CCDC60: variants seen among roughly 807,000 people sequenced by gnomAD.
CCDC60 encodes the protein coiled-coil domain-containing protein 60.
In CCDC60, 54 loss-of-function variants were observed where a neutral mutation model predicts 63.5. The observed-to-expected ratio is 0.85, with a 90% CI of 0.68 to 1.07. The LOEUF is 1.07. CCDC60 is among the 50% of genes least tolerant of loss of function. The pLI is 0.00. For missense variants in CCDC60, 651 were observed against 684.3 expected (o/e 0.95, Z 0.54); for synonymous variants, 206 against 238.8 (o/e 0.86, Z 1.27).
chr12:119,478,648 C>T (rs544841327), intron 3 of CCDC60, among the ~76,000 whole-genome samples: 22 of 144,208 alleles, frequency 1.5e-4, no homozygotes, highest in Non-Finnish European at 2.3e-4. Context: ...CACTCTGTCA[C>T]CCAGGCTGGA....
At chr12:119,505,477 A>G (rs767677152) in intron 7 of CCDC60, among the ~76,000 whole-genome samples, 174 bp downstream of exon 7, 4 of 152,222 alleles carry the variant, frequency 2.6e-5, no homozygotes, top group African/African-American at 7.2e-5. Context: ...GATCAGAAAT[A>G]TACTCCATAA....
intron 7 of CCDC60, among the ~76,000 whole-genome samples, chr12:119,506,457 A>G (rs939337535): frequency 2.6e-4 from 40 of 151,574 alleles, no homozygotes; most frequent in African/African-American, 9.0e-4. Context: ...AAAAAAAAAA[A>G]AAAAAATTAG....
At chr12:119,451,496 G>T (rs1370846902) in intron 2 of CCDC60, among the ~76,000 whole-genome samples, 1 of 150,868 alleles carries the variant, frequency 6.6e-6, no homozygotes, top group Non-Finnish European at 1.5e-5. Flanking sequence ...TCTGCAAAAT[G>T]GGGGCTTGGG....
At chr12:119,526,390 A>G (rs1283639587) in intron 11 of CCDC60, among the ~76,000 whole-genome samples, 1 of 152,246 alleles carries the variant, frequency 6.6e-6, no homozygotes, top group African/African-American at 2.4e-5. Flanking sequence ...AAGCAATTGC[A>G]ACAAAAGCAA....
chr12:119,336,248 A>T (rs1056923717), intron 1 of CCDC60, among the ~76,000 whole-genome samples: 2 of 120,086 alleles, frequency 1.7e-5, no homozygotes, highest in Non-Finnish European at 1.8e-5. Context: ...GTATAATAAT[A>T]CAAAAAAAGG....
At chr12:119,340,755 T>C (rs1216953248) in intron 1 of CCDC60, among the ~76,000 whole-genome samples, 1 of 152,198 alleles carries the variant, frequency 6.6e-6, no homozygotes, top group Non-Finnish European at 1.5e-5. Flanking sequence ...AATTGTGACC[T>C]GAAGAGATAA....
Position 119,520,017 on chromosome 12 carries a change from G to C in CCDC60, c.969-104G>C, listed in dbSNP as rs868433221. The C allele has an allele frequency of 3.2e-6, 3 of 952,092 alleles. No individual in the cohort carries two copies. In the African/African-American group the frequency reaches 4.9e-5, roughly 15 times the overall value. 59.0% of individuals were successfully genotyped at this position (952,092 alleles called of 1,614,324 possible). On this transcript the variant is annotated intron_variant, in intron 8 of 13. Coordinates refer to ENST00000327554, the MANE Select transcript of CCDC60 (RefSeq NM_178499.5). Reference sequence around the variant, plus strand: ...AGTGCTGTGCTCAGTAGAGTCTGAAGATTCTTGCTCTAGAAAGAGAATTCC... The same window carrying C: ...AGTGCTGTGCTCAGTAGAGTCTGAACATTCTTGCTCTAGAAAGAGAATTCC...
intron 1 of CCDC60, among the ~76,000 whole-genome samples, chr12:119,344,143 C>T (rs1955561986): frequency 6.6e-6 from 1 of 152,106 alleles, no homozygotes; most frequent in South Asian, 2.1e-4. Context: ...ATAGGCTGTC[C>T]CTTGCATTGC....
At chr12:119,395,620 C>A (rs933684871) in intron 1 of CCDC60, among the ~76,000 whole-genome samples, 1 of 152,184 alleles carries the variant, frequency 6.6e-6, no homozygotes, top group African/African-American at 2.4e-5. Context: ...TGGGCAGGGA[C>A]AAAGACCCAA....
chr12:119,502,820 G>A (rs1226751719), intron 6 of CCDC60, among the ~76,000 whole-genome samples: 1 of 152,106 alleles, frequency 6.6e-6, no homozygotes, highest in African/African-American at 2.4e-5. Context: ...TGACTCCAGT[G>A]CTCACTGCAA....
intron 5 of CCDC60, among the ~76,000 whole-genome samples, 166 bp downstream of exon 5, chr12:119,489,032 C>G (rs1951522240): frequency 6.6e-6 from 1 of 152,214 alleles, no homozygotes; most frequent in Non-Finnish European, 1.5e-5. Context: ...CTAGAGACAG[C>G]TTATGCAGAT....
intron 1 of CCDC60, among the ~76,000 whole-genome samples, chr12:119,403,760 C>G (rs1956436665): frequency 1.3e-5 from 2 of 152,176 alleles, no homozygotes; most frequent in South Asian, 2.1e-4. Context: ...CAAGTTCTCA[C>G]TCACCTCCAT....
intron 1 of CCDC60, among the ~76,000 whole-genome samples, chr12:119,404,109 G>A (rs974310273): frequency 2.0e-5 from 3 of 152,124 alleles, no homozygotes; most frequent in Admixed American, 6.6e-5. Flanking sequence ...CCAACATGGC[G>A]AAACTCTGTC....
At chr12:119,524,788 T>C (rs1326223373) in intron 11 of CCDC60, among the ~76,000 whole-genome samples, 4 of 145,888 alleles carry the variant, frequency 2.7e-5, no homozygotes, top group Non-Finnish European at 1.5e-5. Context: ...AGTGGCATGA[T>C]CATACCTTAC....
rs1239960930 is a variant in CCDC60, at chr12:119,507,505, CACATATATAT to C, written c.883+2216_883+2225del. 1.6e-3 allele frequency among the ~76,000 whole-genome samples: 211 copies of C among 128,082 alleles called. 1 individual carries two copies. Among genetic ancestry groups the C allele is most frequent in the African/African-American group, 5.9e-3 (190 of 32,240 alleles). The allele number at this position is 128,082 out of a possible 152,430, so 84.0% of individuals were successfully genotyped here. A position where few individuals can be genotyped will look rare whatever the true frequency, so the allele number is the denominator to read the frequency against. Reference sequence around the variant, plus strand: ...ATATACACATATATACATATATACACACATATATATACATATATATACACATATATATACA... The same window carrying C: ...ATATACACATATATACATATATACACACATATATATACACATATATATACA... On this transcript the variant is annotated intron_variant, in intron 7 of 13. Transcript: ENST00000327554.
In CCDC60 at chr12:119,505,058, C is replaced by A; in HGVS notation, c.649-11C>A. ...CCTTCCTGAAACCTCTCTTTCTTCT[C>A]TTTCCTTTAGACCAAGAAATTCAAA... On this transcript the variant is annotated splice_polypyrimidine_tract_variant and intron_variant, in intron 6 of 13. Transcript: ENST00000327554. The A allele has an allele frequency of 6.4e-7, 1 of 1,573,348 alleles. No individual in the cohort carries two copies. Among genetic ancestry groups the A allele is most frequent in the Non-Finnish European group, 8.7e-7 (1 of 1,153,654 alleles).
chr12:119,455,987 AAGAGAGAGAGAAAG>A (rs1260749786), intron 2 of CCDC60, among the ~76,000 whole-genome samples: 16 of 67,250 alleles, frequency 2.4e-4, no homozygotes, highest in African/African-American at 9.8e-4. Flanking sequence ...GGGAGAGAGA[AAGAGAGAGAGAAAG>A]AGAAAGAAAG....
At chr12:119,440,768 C>A (rs892461704) in intron 2 of CCDC60, among the ~76,000 whole-genome samples, 1 of 152,076 alleles carries the variant, frequency 6.6e-6, no homozygotes, top group Non-Finnish European at 1.5e-5. Context: ...TGGCCAATCC[C>A]AAGGGCAGCT....
At chr12:119,507,156 C>T (rs1036670593) in intron 7 of CCDC60, among the ~76,000 whole-genome samples, 4 of 151,692 alleles carry the variant, frequency 2.6e-5, no homozygotes, top group East Asian at 1.9e-4. Context: ...TTCAAGGAGG[C>T]GAAAAAGGAG....
Sources: gnomAD v4.1 joint callset for allele counts (sites outside exome capture counted in the v4.1 genomes callset) on GRCh38, gnomAD v4.1.1 for gene constraint, MANE v1.5 for transcripts, NCBI Gene and HGNC (gene_info 2026-07-23, HGNC 2026-07-21) for gene names.